Variants in SOX6 observed in about 807,000 individuals in gnomAD.
SOX6 encodes the protein transcription factor SOX-6.
Under a neutral mutation model 97.8 loss-of-function variants are expected in SOX6, and 11 were observed. The ratio of observed to expected loss-of-function variants is 0.11; its 90% CI spans 0.07 to 0.19. SOX6 has a LOEUF of 0.19. Ranked by LOEUF, SOX6 falls within the 10% of genes least tolerant of loss-of-function variation. SOX6 has a pLI of 1.00. For synonymous variants in SOX6, 360 were observed against 371.4 expected (o/e 0.97, Z 0.35); for missense variants, 810 against 1,039.5 (o/e 0.78, Z 3.04).
chr11:16,336,636 A>G (rs1856468779), intron 2 of SOX6, among the ~76,000 whole-genome samples: 1 of 152,060 alleles, frequency 6.6e-6, no homozygotes, highest in African/African-American at 2.4e-5. Flanking sequence ...ACATAAATCA[A>G]ATCATGTTAC....
intron 1 of SOX6, among the ~76,000 whole-genome samples, chr11:16,471,328 G>T (rs751515970): frequency 2.6e-5 from 4 of 152,134 alleles, no homozygotes; most frequent in Admixed American, 6.6e-5. Context: ...CCTTCACAGT[G>T]TTTTCCTCTT....
intron 3 of SOX6, among the ~76,000 whole-genome samples, chr11:16,262,682 T>C (rs1196098594): frequency 2.0e-5 from 3 of 152,062 alleles, no homozygotes; most frequent in Non-Finnish European, 4.4e-5. Flanking sequence ...ATGTTTTCCA[T>C]ACAGATGTTT....
intron 3 of SOX6, among the ~76,000 whole-genome samples, chr11:16,629,980 CTT>C (rs897419968): frequency 6.6e-6 from 1 of 151,844 alleles, no homozygotes; most frequent in African/African-American, 2.4e-5. Context: ...TTATGTGAAT[CTT>C]TTTTTTCTTT....
In SOX6 at chr11:16,013,617, C is replaced by T. The variant is rs572662456; in HGVS notation, c.1732+1325G>A. ...CTCCCTCTTCTTCGTTCCTTTCCTT[C>T]CTTTCTCTTCTCTTCCCCTCCCTCC... On this transcript the variant is annotated intron_variant, in intron 13 of 15. Transcript: ENST00000683767. Among the ~76,000 whole-genome samples the T allele has an allele frequency of 1.7e-3, 258 of 152,096 alleles. 1 individual carries two copies. Among genetic ancestry groups the T allele is most frequent in the African/African-American group, 5.8e-3 (242 of 41,536 alleles).
chr11:16,017,244 T>C (rs1854912879), intron 12 of SOX6, among the ~76,000 whole-genome samples: 1 of 152,038 alleles, frequency 6.6e-6, no homozygotes, highest in African/African-American at 2.4e-5. Context: ...GTCTTTGAAG[T>C]CATACATTTT....
chr11:16,555,951 C>T (rs1210359699), intron 4 of SOX6, among the ~76,000 whole-genome samples: 1 of 151,606 alleles, frequency 6.6e-6, no homozygotes, highest in East Asian at 1.9e-4. Flanking sequence ...GAAAAACTGA[C>T]ATACCACTTC....
chr11:16,338,618 G>A (rs1023440869), intron 2 of SOX6, among the ~76,000 whole-genome samples: 4 of 152,016 alleles, frequency 2.6e-5, no homozygotes, highest in Non-Finnish European at 5.9e-5. Context: ...ATACTATAGA[G>A]TGGGAGTTTA....
intron 1 of SOX6, among the ~76,000 whole-genome samples, chr11:16,737,091 A>G (rs1352089978): frequency 6.6e-6 from 1 of 152,234 alleles, no homozygotes; most frequent in East Asian, 1.9e-4. Context: ...ATATTTGTAC[A>G]CAGGCAGTGA....
chr11:16,362,247 ATC>A (rs1199330045), intron 1 of SOX6, among the ~76,000 whole-genome samples: 2 of 152,178 alleles, frequency 1.3e-5, no homozygotes, highest in East Asian at 1.9e-4. Flanking sequence ...GACGGGTTTC[ATC>A]TCTCTTTCTC....
Position 16,196,761 on chromosome 11 carries a change from C to G in SOX6, c.536-9806G>C, listed in dbSNP as rs532642864. The stretch of plus-strand genomic sequence containing the variant: ...TCCACTGGACCTCTGGACTTGGACT[C>G]TCAAATGGTAGAAATTTGGCTTCCC... On this transcript the variant is annotated intron_variant, in intron 4 of 15. Coordinates refer to ENST00000683767, the MANE Select transcript of SOX6 (RefSeq NM_001367873.1). 2.0e-5 allele frequency among the ~76,000 whole-genome samples: 3 copies of G among 151,804 alleles called. No homozygotes were observed. In the East Asian group the frequency reaches 5.8e-4, roughly 29 times the overall value.
At chr11:16,113,198 A>G (rs1849270568) in intron 6 of SOX6, among the ~76,000 whole-genome samples, 1 of 151,802 alleles carries the variant, frequency 6.6e-6, no homozygotes, top group Admixed American at 6.6e-5. Context: ...TCGTTTACCA[A>G]CAGTTTTTCT....
intron 3 of SOX6, among the ~76,000 whole-genome samples, chr11:16,238,404 C>T (rs958888482): frequency 3.9e-5 from 6 of 151,942 alleles, no homozygotes; most frequent in Admixed American, 2.0e-4. Flanking sequence ...ACTTAGGTTT[C>T]GGGCCAGGTA....
chr11:16,505,023 G>T (rs1860763644), intron 4 of SOX6, among the ~76,000 whole-genome samples: 1 of 152,086 alleles, frequency 6.6e-6, no homozygotes, highest in Admixed American at 6.6e-5. Flanking sequence ...ATAGAAATTT[G>T]CAAAAAGGAA....
intron 4 of SOX6, among the ~76,000 whole-genome samples, chr11:16,522,505 A>G (rs1434615918): frequency 6.6e-6 from 1 of 152,186 alleles, no homozygotes; most frequent in Non-Finnish European, 1.5e-5. Flanking sequence ...AGGAACAACC[A>G]GTACCAGCCA....
chr11:16,560,615 A>G (rs999623901), intron 4 of SOX6, among the ~76,000 whole-genome samples: 1 of 139,492 alleles, frequency 7.2e-6, no homozygotes, highest in East Asian at 1.9e-4. Flanking sequence ...GTTTATACGT[A>G]CATATATGTT....
intron 8 of SOX6, among the ~76,000 whole-genome samples, chr11:16,097,389 A>C (rs1848825970): frequency 6.6e-6 from 1 of 151,938 alleles, no homozygotes; most frequent in Non-Finnish European, 1.5e-5. Context: ...GATAGAGAAT[A>C]CATAGTATTA....
chr11:16,119,239 T>C (rs897038129), intron 6 of SOX6, among the ~76,000 whole-genome samples: 18 of 152,168 alleles, frequency 1.2e-4, no homozygotes, highest in Admixed American at 4.6e-4. Context: ...AAAAAGTGCA[T>C]GGAAATCCAC....
intron 1 of SOX6, among the ~76,000 whole-genome samples, chr11:16,439,554 C>A (rs1433072498): frequency 1.3e-5 from 2 of 152,186 alleles, no homozygotes; most frequent in Non-Finnish European, 2.9e-5. Context: ...GACCTTCCAA[C>A]TGATCTGAAT....
intron 4 of SOX6, among the ~76,000 whole-genome samples, chr11:16,514,327 G>GTTA (rs1178880460): frequency 6.6e-6 from 1 of 151,890 alleles, no homozygotes; most frequent in Non-Finnish European, 1.5e-5. Context: ...TATCTATGCA[G>GTTA]TTATTTCACT....
Sources: gnomAD v4.1 joint callset for allele counts (sites outside exome capture counted in the v4.1 genomes callset) on GRCh38, gnomAD v4.1.1 for gene constraint, MANE v1.5 for transcripts, NCBI Gene and HGNC (gene_info 2026-07-23, HGNC 2026-07-21) for gene names.